The following PDZD2 variants were observed in gnomAD, a reference collection of about 807,000 sequenced individuals.
The protein encoded by PDZD2 is PDZ domain containing 2.
PDZD2 carries 90 observed loss-of-function variants against 220.7 expected under a neutral mutation model. The observed-to-expected ratio is 0.41, with a 90% CI of 0.34 to 0.49. PDZD2 has a LOEUF of 0.49. Ranked by LOEUF, PDZD2 falls within the 20% of genes least tolerant of loss-of-function variation. PDZD2 has a pLI of 0.28. For missense variants in PDZD2, 3,174 were observed against 3,608.5 expected (o/e 0.88, Z 3.08); for synonymous variants, 1,375 against 1,450.5 (o/e 0.95, Z 1.18).
At chr5:31,860,775 G>A (rs1737627405) in intron 2 of PDZD2, among the ~76,000 whole-genome samples, 1 of 152,158 alleles carries the variant, frequency 6.6e-6, no homozygotes, top group Non-Finnish European at 1.5e-5. Context: ...GGAGTATTGG[G>A]CAGAAGGCAT....
At chr5:31,793,922 G>A (rs1368433739) in intron 1 of PDZD2, among the ~76,000 whole-genome samples, 1 of 152,140 alleles carries the variant, frequency 6.6e-6, no homozygotes, top group African/African-American at 2.4e-5. Context: ...TGCAAATTTG[G>A]GCGGAGTTAG....
intron 2 of PDZD2, among the ~76,000 whole-genome samples, chr5:31,802,305 G>T (rs1754437648): frequency 6.6e-6 from 1 of 152,188 alleles, no homozygotes; most frequent in Non-Finnish European, 1.5e-5. Flanking sequence ...CTGAGCTAGT[G>T]TTATTGTTCC....
intron 19 of PDZD2, among the ~76,000 whole-genome samples, chr5:32,082,630 G>A (rs538824190): frequency 4.5e-4 from 69 of 152,234 alleles, no homozygotes; most frequent in African/African-American, 1.6e-3. Context: ...GTTATATTAC[G>A]TGTGTGTATG....
chr5:31,892,515 T>C (rs1107296), intron 2 of PDZD2, among the ~76,000 whole-genome samples: 34,935 of 152,078 alleles, frequency 0.23, 5,669 homozygotes, highest in East Asian at 0.44. Flanking sequence ...GCATCTACTG[T>C]GTGCCAGGCT....
intron 2 of PDZD2, among the ~76,000 whole-genome samples, chr5:31,835,532 G>T (rs1358295249): frequency 6.6e-6 from 1 of 151,586 alleles, no homozygotes; most frequent in South Asian, 2.1e-4. Context: ...CAGGAGAATC[G>T]CTTGAACCTG....
intron 24 of PDZD2, among the ~76,000 whole-genome samples, chr5:32,105,883 C>T (rs1263888285): frequency 6.6e-6 from 1 of 152,196 alleles, no homozygotes; most frequent in African/African-American, 2.4e-5. Context: ...GAATTTATTT[C>T]TCTCTTGTGT....
chr5:31,912,069 G>C (rs1194125961), intron 2 of PDZD2, among the ~76,000 whole-genome samples: 1 of 152,172 alleles, frequency 6.6e-6, no homozygotes, highest in Admixed American at 6.5e-5. Context: ...CCCAGCCTTG[G>C]CTCTACTACA....
chr5:31,855,191 G>A (rs1272291297), intron 2 of PDZD2: 10 of 843,766 alleles, frequency 1.2e-5, no homozygotes, highest in Non-Finnish European at 1.4e-5. Context: ...CTTCTCAGGC[G>A]AAAGCCTCAG....
At chr5:31,803,712 A>G (rs1347347608) in intron 2 of PDZD2, among the ~76,000 whole-genome samples, 1 of 152,002 alleles carries the variant, frequency 6.6e-6, no homozygotes, top group Non-Finnish European at 1.5e-5. Context: ...CAGCCTGTCG[A>G]TGTTCAAGAC....
chr5:31,747,317 G>T (rs932396548), intron 1 of PDZD2, among the ~76,000 whole-genome samples: 6 of 152,192 alleles, frequency 3.9e-5, no homozygotes, highest in Admixed American at 3.9e-4. Flanking sequence ...TTGGACAAAG[G>T]GGGTATGATC....
intron 3 of PDZD2, 113 bp from the exon 4 acceptor site, chr5:31,995,463 G>T: frequency 9.3e-7 from 1 of 1,078,484 alleles, no homozygotes; most frequent in Non-Finnish European, 1.4e-6. Context: ...GATAATCTGT[G>T]ATATCTGTGG....
intron 2 of PDZD2, among the ~76,000 whole-genome samples, chr5:31,809,261 GA>G (rs1441851381): frequency 6.6e-6 from 1 of 152,180 alleles, no homozygotes; most frequent in Admixed American, 6.5e-5. Context: ...TCTTGTGGTT[GA>G]AATCCAGCAC....
intron 2 of PDZD2, chr5:31,847,503 T>G (rs1028367803): frequency 3.1e-6 from 2 of 641,160 alleles, no homozygotes; most frequent in East Asian, 6.4e-5. Context: ...GCACAGCTTA[T>G]GCACACACTG....
At chr5:31,694,866 G>A (rs1747313448) in intron 1 of PDZD2, among the ~76,000 whole-genome samples, 1 of 151,338 alleles carries the variant, frequency 6.6e-6, no homozygotes, top group African/African-American at 2.4e-5. Context: ...GCTCACGCCT[G>A]TAATCCCAGC....
intron 2 of PDZD2, among the ~76,000 whole-genome samples, chr5:31,955,132 T>G (rs1329397086): frequency 6.6e-6 from 1 of 152,178 alleles, no homozygotes; most frequent in Non-Finnish European, 1.5e-5. Flanking sequence ...CAGATGTTTC[T>G]GAGAACTTTC....
intron 23 of PDZD2, 23 bp from the exon 24 acceptor site, chr5:32,101,082 C>A: frequency 6.2e-7 from 1 of 1,613,996 alleles, no homozygotes; most frequent in Non-Finnish European, 8.5e-7. Flanking sequence ...TCATTTTCAT[C>A]TTGGTGCACG....
intron 2 of PDZD2, among the ~76,000 whole-genome samples, chr5:31,922,616 T>C (rs566030894): frequency 2.0e-5 from 3 of 152,202 alleles, no homozygotes; most frequent in Non-Finnish European, 4.4e-5. Context: ...TTAGCCACGG[T>C]AACTACTCTG....
intron 2 of PDZD2, chr5:31,908,788 T>G: frequency 3.9e-6 from 3 of 764,064 alleles, no homozygotes; most frequent in Non-Finnish European, 6.5e-6. Context: ...CTCACGCCTA[T>G]AATCCCAGCA....
chr5:32,052,962 C>T (rs1476591759), intron 9 of PDZD2, among the ~76,000 whole-genome samples: 1 of 152,156 alleles, frequency 6.6e-6, no homozygotes, highest in East Asian at 1.9e-4. Flanking sequence ...AGGCATGAGC[C>T]ATTGCACCCA....
Sources: allele counts gnomAD v4.1 joint callset (sites outside exome capture counted in the v4.1 genomes callset), GRCh38; gene constraint gnomAD v4.1.1; transcripts MANE v1.5; gene names NCBI Gene and HGNC (gene_info 2026-07-23, HGNC 2026-07-21).